DACH2: variants seen among roughly 807,000 people sequenced by gnomAD.
DACH2 encodes the protein dachshund homolog 2.
DACH2 carries 17 observed loss-of-function variants against 35.8 expected under a neutral mutation model. The ratio of observed to expected loss-of-function variants is 0.48; its 90% CI spans 0.33 to 0.71. DACH2 has a LOEUF of 0.71. DACH2 is among the 30% of genes least tolerant of loss of function. The pLI, the probability that DACH2 is intolerant of heterozygous loss-of-function variation, is 0.02. For synonymous variants in DACH2, 195 were observed against 177.3 expected, an observed-to-expected ratio of 1.10 and a Z score of -0.79; for missense variants, 469 against 472.7, an observed-to-expected ratio of 0.99 and a Z score of 0.07.
rs372930086 is a variant in DACH2 at position 86,411,524 on chromosome X, C to T, written c.527+34662C>T. Among the ~76,000 whole-genome samples, 4 of 110,846 alleles carry T rather than the reference C, an allele frequency of 3.6e-5. No individual in the cohort carries two copies. The South Asian group carries it at 1.2e-3, about 32-fold the overall frequency. The stretch of plus-strand genomic sequence containing the variant: ...GACAATAATGAGGTCATAATTACAC[C>T]TAACATCATATGACTATCTCTTGTA... On this transcript the variant is annotated intron_variant, in intron 2 of 11. Coordinates refer to ENST00000373125, the MANE Select transcript of DACH2 (RefSeq NM_053281.3).
rs556931700 is a variant in DACH2 at position 86,333,621 on chromosome X, T to C, written c.489-43203T>C. On this transcript the variant is annotated intron_variant, in intron 1 of 11. Coordinates refer to ENST00000373125, the MANE Select transcript of DACH2 (RefSeq NM_053281.3). The stretch of plus-strand genomic sequence containing the variant: ...AACCTGACAATCCTTTATGTACTAC[T>C]CTTTTCCCCATACTGATTAAAGAAC... 1.7e-4 allele frequency among the ~76,000 whole-genome samples: 19 copies of C among 111,896 alleles called. No homozygotes were observed. The South Asian group carries it at 6.8e-3, about 40-fold the overall frequency.
rs2042132506 is a variant in DACH2, at chrX:86,785,935, CA to C, written c.1241-26919del. 2.7e-5 allele frequency among the ~76,000 whole-genome samples: 3 copies of C among 111,381 alleles called. No individual in the cohort carries two copies. The Admixed American group carries it at 2.9e-4, about 11-fold the overall frequency. On this transcript the variant is annotated intron_variant, in intron 7 of 11. Transcript: ENST00000373125. ...ACTAGCTCTCAAACATGGCCAGAAA[CA>C]AGATTTGATGATTCCTATCTCAGAA...
At chrX:86,569,941 C>T (rs1179827552) in intron 3 of DACH2, among the ~76,000 whole-genome samples, 1 of 111,560 alleles carries the variant, frequency 9.0e-6, no homozygotes, top group African/African-American at 3.3e-5. Flanking sequence ...AATGTACAGA[C>T]ATTTCTCAAA....
chrX:86,756,799 C>T (rs935878420), intron 7 of DACH2, among the ~76,000 whole-genome samples: 4 of 111,381 alleles, frequency 3.6e-5, no homozygotes, highest in African/African-American at 1.3e-4. Flanking sequence ...AGTGGGCATC[C>T]TCATCTTATT....
chrX:86,570,532 G>A (rs1056336649), intron 3 of DACH2, among the ~76,000 whole-genome samples: 4 of 110,851 alleles, frequency 3.6e-5, no homozygotes, highest in Admixed American at 9.7e-5. Context: ...AATGGGAGCT[G>A]AACAATGAGA....
chrX:86,679,822 T>G (rs2040861002), intron 4 of DACH2, among the ~76,000 whole-genome samples: 1 of 111,149 alleles, frequency 9.0e-6, no homozygotes, highest in Non-Finnish European at 1.9e-5. Flanking sequence ...ATATTTAACC[T>G]TTCCTCCTTA....
At chrX:86,560,631 A>C (rs1423611347) in intron 3 of DACH2, among the ~76,000 whole-genome samples, 1 of 88,368 alleles carries the variant, frequency 1.1e-5, no homozygotes, top group East Asian at 3.8e-4. Flanking sequence ...CAAACCTGAG[A>C]AAAACAAGCA....
intron 1 of DACH2, among the ~76,000 whole-genome samples, chrX:86,334,767 A>T (rs1461634266): frequency 1.8e-5 from 2 of 111,541 alleles, no homozygotes; most frequent in African/African-American, 6.5e-5. Context: ...GTTTAGTTAG[A>T]TCCCATTTCT....
At chrX:86,397,600 AG>A (rs1207800802) in intron 2 of DACH2, among the ~76,000 whole-genome samples, 5 of 111,777 alleles carry the variant, frequency 4.5e-5, no homozygotes, top group South Asian at 3.7e-4. Flanking sequence ...TTTAGCATGA[AG>A]GGTTGTTGAA....
chrX:86,547,317 T>C (rs1029382788), intron 3 of DACH2, among the ~76,000 whole-genome samples: 5 of 111,937 alleles, frequency 4.5e-5, no homozygotes, highest in Admixed American at 9.5e-5. Context: ...AAAAATTTCA[T>C]TGGCCAGTGG....
chrX:86,771,912 C>T (rs922662623), intron 7 of DACH2, among the ~76,000 whole-genome samples: 2 of 111,539 alleles, frequency 1.8e-5, no homozygotes, highest in Non-Finnish European at 3.8e-5. Context: ...AGTGTCTGTT[C>T]TTTTTCAGAA....
At chrX:86,557,458 G>GT (rs1163835439) in intron 3 of DACH2, among the ~76,000 whole-genome samples, 26 of 101,497 alleles carry the variant, frequency 2.6e-4, no homozygotes, top group African/African-American at 8.9e-4. Context: ...CTTTAAAGTA[G>GT]TTTTTTCCAA....
intron 3 of DACH2, among the ~76,000 whole-genome samples, chrX:86,537,429 T>C (rs2038818880): frequency 9.0e-6 from 1 of 111,422 alleles, no homozygotes; most frequent in African/African-American, 3.3e-5. Flanking sequence ...ATGAATAACC[T>C]CTGGCTTTGT....
chrX:86,598,058 T>A (rs2039735664), intron 3 of DACH2, among the ~76,000 whole-genome samples: 1 of 110,978 alleles, frequency 9.0e-6, no homozygotes, highest in African/African-American at 3.3e-5. Context: ...CCATCATATC[T>A]CGTGAGATTT....
At chrX:86,153,830 T>C (rs1443665402) in intron 1 of DACH2, among the ~76,000 whole-genome samples, 1 of 111,819 alleles carries the variant, frequency 8.9e-6, no homozygotes, top group Admixed American at 9.5e-5. Flanking sequence ...ACCAACAGTT[T>C]TGTATTTAAC....
intron 5 of DACH2, among the ~76,000 whole-genome samples, chrX:86,700,277 T>C (rs752935698): frequency 1.6e-4 from 18 of 111,422 alleles, no homozygotes; most frequent in African/African-American, 5.9e-4. Flanking sequence ...TAGGCCCATT[T>C]GGTCAAGTGT....
intron 1 of DACH2, among the ~76,000 whole-genome samples, chrX:86,275,512 GT>G (rs1219918770): frequency 1.8e-5 from 2 of 111,413 alleles, no homozygotes; most frequent in Non-Finnish European, 3.8e-5. Flanking sequence ...GGAGAATGAG[GT>G]GTCCATCCCC....
At chrX:86,250,311 G>C (rs182136809) in intron 1 of DACH2, among the ~76,000 whole-genome samples, 58 of 111,649 alleles carry the variant, frequency 5.2e-4, no homozygotes, top group African/African-American at 1.8e-3. Context: ...ATTATCAAAG[G>C]TAAACCATTA....
chrX:86,719,305 T>A (rs1293622687), intron 6 of DACH2, among the ~76,000 whole-genome samples: 2 of 112,249 alleles, frequency 1.8e-5, no homozygotes, highest in Non-Finnish European at 3.8e-5. Flanking sequence ...ACCAATTTTT[T>A]GTAAAGGGAT....
Sources: gnomAD v4.1 joint callset for allele counts (sites outside exome capture counted in the v4.1 genomes callset) on GRCh38, gnomAD v4.1.1 for gene constraint, MANE v1.5 for transcripts, NCBI Gene and HGNC (gene_info 2026-07-23, HGNC 2026-07-21) for gene names.